Variants in PCDH15 observed in about 807,000 individuals in gnomAD.
The protein encoded by PCDH15 is protocadherin related 15.
Under a neutral mutation model 178.5 loss-of-function variants are expected in PCDH15, and 129 were observed. That is an observed-to-expected ratio of 0.72 (90% CI 0.63 to 0.84). PCDH15 has a LOEUF of 0.84. Among genes scored for constraint, PCDH15 ranks in the 40% least tolerant of loss-of-function variants. The pLI is 0.00. For synonymous variants in PCDH15, 800 were observed against 732.0 expected, an observed-to-expected ratio of 1.09 and a Z score of -1.50; for missense variants, 2,230 against 2,099.9, an observed-to-expected ratio of 1.06 and a Z score of -1.21.
rs190724751 is a variant in PCDH15, at chr10:54,443,511, A to G, written c.158-64569T>C. On this transcript the variant is annotated intron_variant, in intron 3 of 37. Coordinates refer to ENST00000644397, the MANE Select transcript of PCDH15 (RefSeq NM_001384140.1). Reference sequence around the variant, plus strand: ...CAACAACACAAAAAAAAATCTGTATAAAATAATAATTATTATATCCCTTAT... The same window carrying G: ...CAACAACACAAAAAAAAATCTGTATGAAATAATAATTATTATATCCCTTAT... Among the ~76,000 whole-genome samples, 1,064 of 151,780 alleles carry G rather than the reference A, an allele frequency of 7.0e-3. 11 individuals are homozygous for G. The highest frequency in any genetic ancestry group is 0.024 in the African/African-American group (1,012 of 41,460).
At chr10:54,746,762 A>G (rs1362724182) in intron 1 of PCDH15, among the ~76,000 whole-genome samples, 2 of 152,184 alleles carry the variant, frequency 1.3e-5, no homozygotes, top group African/African-American at 2.4e-5. Flanking sequence ...ATTCACAACT[A>G]TGGTTTATTA....
intron 3 of PCDH15, among the ~76,000 whole-genome samples, chr10:54,515,995 G>A (rs555393453): frequency 6.6e-5 from 10 of 152,228 alleles, no homozygotes; most frequent in Admixed American, 2.0e-4. Flanking sequence ...AAATCCATCC[G>A]TACATCACCA....
intron 2 of PCDH15, among the ~76,000 whole-genome samples, chr10:55,122,608 TG>T (rs1348866696): frequency 6.6e-6 from 1 of 152,158 alleles, no homozygotes; most frequent in Non-Finnish European, 1.5e-5. Context: ...TATCATCGAC[TG>T]GAATGCTGAA....
At chr10:54,039,400 G>A (rs2093489975) in intron 18 of PCDH15, among the ~76,000 whole-genome samples, 1 of 152,008 alleles carries the variant, frequency 6.6e-6, no homozygotes, top group Non-Finnish European at 1.5e-5. Flanking sequence ...ATACACACTT[G>A]AAGGTTATCA....
intron 27 of PCDH15, among the ~76,000 whole-genome samples, chr10:53,864,781 C>T (rs1225001453): frequency 6.6e-6 from 1 of 151,788 alleles, no homozygotes. Flanking sequence ...GAGAGTCCGT[C>T]TCAAAAATAA....
chr10:54,125,978 C>T (rs1249497992), intron 15 of PCDH15, among the ~76,000 whole-genome samples: 2 of 152,042 alleles, frequency 1.3e-5, no homozygotes, highest in East Asian at 1.9e-4. Flanking sequence ...TTCAAATGCC[C>T]AGTACCTTCT....
intron 21 of PCDH15, among the ~76,000 whole-genome samples, chr10:53,981,849 C>T (rs2090670576): frequency 6.6e-6 from 1 of 150,838 alleles, no homozygotes; most frequent in Admixed American, 6.6e-5. Flanking sequence ...AGCTTCTGCA[C>T]AGCAAAAGAA....
At chr10:54,048,898 T>A (rs2135592569) in intron 18 of PCDH15, among the ~76,000 whole-genome samples, 1 of 152,040 alleles carries the variant, frequency 6.6e-6, no homozygotes, top group East Asian at 1.9e-4. Flanking sequence ...TTTTTTCTAA[T>A]TCAGTTAAAT....
At chr10:55,158,158 A>G (rs1838949419) in intron 2 of PCDH15, among the ~76,000 whole-genome samples, 1 of 149,830 alleles carries the variant, frequency 6.7e-6, no homozygotes, top group Non-Finnish European at 1.5e-5. Flanking sequence ...CATGTTTTAT[A>G]CTCACACACA....
chr10:54,342,668 T>A (rs150442571), intron 6 of PCDH15, among the ~76,000 whole-genome samples: 5 of 152,200 alleles, frequency 3.3e-5, no homozygotes, highest in African/African-American at 1.2e-4. Flanking sequence ...ACAGCTTGCA[T>A]CATGTGCTTG....
At chr10:54,871,525 C>T (rs1386276639) in intron 3 of PCDH15, among the ~76,000 whole-genome samples, 2 of 151,826 alleles carry the variant, frequency 1.3e-5, no homozygotes, top group African/African-American at 4.8e-5. Flanking sequence ...GAACTCTAGT[C>T]TGCCTGAGAC....
At chr10:54,421,932 T>TAC in intron 3 of PCDH15, among the ~76,000 whole-genome samples, 1 of 105,674 alleles carries the variant, frequency 9.5e-6, no homozygotes, top group Non-Finnish European at 1.8e-5. Flanking sequence ...ATATACACTA[T>TAC]ATATATATAT....
intron 2 of PCDH15, among the ~76,000 whole-genome samples, chr10:54,638,097 A>T (rs2093904360): frequency 6.6e-6 from 1 of 151,818 alleles, no homozygotes; most frequent in African/African-American, 2.4e-5. Context: ...CTCCCCCTCC[A>T]CCCTGTGTCA....
Position 54,317,449 on chromosome 10 carries a change from G to A in PCDH15, c.706-8C>T, listed in dbSNP as rs10740579. 1,118,233 of 1,612,902 alleles carry A rather than the reference G, an allele frequency of 0.69. 395,521 individuals are homozygous for A. The highest frequency in any genetic ancestry group is 0.78 in the Middle Eastern group (4,731 of 6,054). ...CAGATTTTGGGCACGGTCCTGTTAGGGAGAAAAACAAACAACAGGTAGTTT... is the reference window on the plus strand; with the variant it reads ...CAGATTTTGGGCACGGTCCTGTTAGAGAGAAAAACAAACAACAGGTAGTTT... On this transcript the variant is annotated splice_polypyrimidine_tract_variant and splice_region_variant and intron_variant, in intron 7 of 37. Transcript: ENST00000644397.
chr10:54,247,881 A>AAAAAATAT (rs1260841226), intron 8 of PCDH15, among the ~76,000 whole-genome samples: 2 of 148,494 alleles, frequency 1.3e-5, no homozygotes, highest in Admixed American at 1.4e-4. Flanking sequence ...AAAAAAAAGA[A>AAAAAATAT]ATATGTATAT....
chr10:54,015,415 C>G (rs1480120338), intron 20 of PCDH15, among the ~76,000 whole-genome samples: 1 of 151,928 alleles, frequency 6.6e-6, no homozygotes, highest in South Asian at 2.1e-4. Flanking sequence ...AAATTCATAT[C>G]AAACCAAAAA....
intron 2 of PCDH15, among the ~76,000 whole-genome samples, chr10:55,127,525 A>G (rs1837931595): frequency 6.6e-6 from 1 of 151,968 alleles, no homozygotes; most frequent in Non-Finnish European, 1.5e-5. Flanking sequence ...AAATAGACAA[A>G]TTTTTGCTGT....
chr10:54,064,369 G>T (rs2135785127), intron 18 of PCDH15, among the ~76,000 whole-genome samples: 1 of 152,278 alleles, frequency 6.6e-6, no homozygotes, highest in Non-Finnish European at 1.5e-5. Context: ...CCATGGGCAG[G>T]CCCGGTAAAA....
At chr10:55,455,433 G>C (rs900080242) in intron 2 of PCDH15, among the ~76,000 whole-genome samples, 2 of 151,956 alleles carry the variant, frequency 1.3e-5, no homozygotes, top group Admixed American at 1.3e-4. Context: ...CTAGCATTCA[G>C]ATCCTTAATA....
Sources: gnomAD v4.1 joint callset for allele counts (sites outside exome capture counted in the v4.1 genomes callset) on GRCh38, gnomAD v4.1.1 for gene constraint, MANE v1.5 for transcripts, NCBI Gene and HGNC (gene_info 2026-07-23, HGNC 2026-07-21) for gene names.